Variants in ADAMTS9 observed in about 807,000 individuals in gnomAD.
ADAMTS9 encodes ADAM metallopeptidase with thrombospondin type 1 motif 9.
ADAMTS9 carries 107 observed loss-of-function variants against 257.1 expected under a neutral mutation model. The observed-to-expected ratio is 0.42, with a 90% confidence interval of 0.36 to 0.49. The LOEUF is 0.49. ADAMTS9 is among the 20% of genes least tolerant of loss of function. The pLI, the probability that ADAMTS9 is intolerant of heterozygous loss-of-function variation, is 0.03. For synonymous variants in ADAMTS9, 982 were observed against 880.9 expected (o/e 1.11, Z -2.03); for missense variants, 2,353 against 2,469.1 (o/e 0.95, Z 1.00).
intron 12 of ADAMTS9, among the ~76,000 whole-genome samples, chr3:64,634,883 A>C (rs1700455058): frequency 6.6e-6 from 1 of 152,182 alleles, no homozygotes; most frequent in African/African-American, 2.4e-5. Flanking sequence ...GGGAATGAGA[A>C]ATATATCCCT....
rs561273381 is a variant in ADAMTS9, at chr3:64,621,391, T to C, written c.2687-151A>G. On this transcript the variant is annotated intron_variant, in intron 18 of 39. Coordinates refer to ENST00000498707, the MANE Select transcript of ADAMTS9 (RefSeq NM_182920.2). Reference sequence around the variant, plus strand: ...CTGTTGCACTATTCAACCCTGACATTACAGGGCAAAAGCAGCCACTCACAG... The same window carrying C: ...CTGTTGCACTATTCAACCCTGACATCACAGGGCAAAAGCAGCCACTCACAG... 83 of 919,600 alleles carry C rather than the reference T, an allele frequency of 9.0e-5. 2 individuals are homozygous for C. In the South Asian group the frequency reaches 1.4e-3, roughly 16 times the overall value. The allele number at this position is 919,600 out of a possible 1,614,324, so 57.0% of individuals were successfully genotyped here.
At chr3:64,545,094 A>G (rs981223874) in intron 32 of ADAMTS9, among the ~76,000 whole-genome samples, 2 of 152,234 alleles carry the variant, frequency 1.3e-5, no homozygotes, top group African/African-American at 4.8e-5. Flanking sequence ...CGATTATTAA[A>G]AAGTCAGGGA....
intron 19 of ADAMTS9, among the ~76,000 whole-genome samples, chr3:64,617,137 T>C (rs1049926786): frequency 1.3e-5 from 2 of 152,194 alleles, no homozygotes; most frequent in African/African-American, 2.4e-5. Flanking sequence ...CAATGCTTTA[T>C]CTCATCCTGT....
At position 64,516,118 on chromosome 3, in the gene ADAMTS9, A is replaced by C. The variant is rs1208331344; in HGVS notation, c.*1009T>G. 2 of 152,168 alleles carry C rather than the reference A, an allele frequency of 1.3e-5. No individual in the cohort carries two copies. Among genetic ancestry groups the C allele is most frequent in the Non-Finnish European group, 1.5e-5 (1 of 68,018 alleles). 9.4% of individuals were successfully genotyped at this position (152,168 alleles called of 1,614,324 possible). A position where few individuals can be genotyped will look rare whatever the true frequency, so the allele number is the denominator to read the frequency against. ...TTTCATGCAAAAGGCAATCGTGATG[A>C]TTCAGAACCTGGTTCTGAATTTCTC... On this transcript the variant is annotated 3_prime_UTR_variant, in exon 40 of 40. Coordinates refer to ENST00000498707, the MANE Select transcript of ADAMTS9 (RefSeq NM_182920.2).
At chr3:64,548,190 C>T (rs2083226853) in intron 31 of ADAMTS9, among the ~76,000 whole-genome samples, 1 of 152,158 alleles carries the variant, frequency 6.6e-6, no homozygotes, top group African/African-American at 2.4e-5. Context: ...TTTTCTTCTC[C>T]TGCAACTTTT....
At chr3:64,569,975 G>C (rs1190886094) in intron 28 of ADAMTS9, among the ~76,000 whole-genome samples, 2 of 152,140 alleles carry the variant, frequency 1.3e-5, no homozygotes, top group African/African-American at 2.4e-5. Flanking sequence ...ATTCTAGAAG[G>C]CTTTTAGAAT....
intron 26 of ADAMTS9, among the ~76,000 whole-genome samples, chr3:64,601,116 A>C (rs2084452046): frequency 6.6e-6 from 1 of 152,064 alleles, no homozygotes; most frequent in African/African-American, 2.4e-5. Context: ...TTTTCCTTTG[A>C]TATCAGATAT....
rs183219915 is a variant in ADAMTS9 at position 64,687,771 on chromosome 3, C to T, written c.-114G>A. The T allele has an allele frequency of 7.7e-3, 6,249 of 810,298 alleles. 62 individuals carry two copies. The highest frequency in any genetic ancestry group is 0.03 in the African/African-American group (1,621 of 54,468). 50.2% of individuals were successfully genotyped at this position (810,298 alleles called of 1,614,324 possible). On this transcript the variant is annotated 5_prime_UTR_variant, in exon 1 of 40. Coordinates refer to ENST00000498707, the MANE Select transcript of ADAMTS9 (RefSeq NM_182920.2). The surrounding 1 kb of genome is among the most constrained non-coding windows in gnomAD (Gnocchi z 4.4). ...AGAGCGCGCGGAGCCCGGCGCCCGC[C>T]GCCAACTTTTGACTTTAGGAGTCGC... is the stretch of plus-strand genomic sequence containing the variant.
At chr3:64,657,627 T>C (rs1345185073) in intron 4 of ADAMTS9, among the ~76,000 whole-genome samples, 1 of 152,180 alleles carries the variant, frequency 6.6e-6, no homozygotes, top group Non-Finnish European at 1.5e-5. Context: ...CATGAGTGAC[T>C]GCACTTGGCC....
At chr3:64,552,783 C>A (rs140277945) in intron 30 of ADAMTS9, among the ~76,000 whole-genome samples, 28 of 152,202 alleles carry the variant, frequency 1.8e-4, no homozygotes, top group African/African-American at 6.5e-4. Flanking sequence ...TCTTGAACTC[C>A]TGGGTTTAAG....
chr3:64,619,582 A>T (rs1344004634), intron 19 of ADAMTS9, among the ~76,000 whole-genome samples: 1 of 152,148 alleles, frequency 6.6e-6, no homozygotes, highest in Non-Finnish European at 1.5e-5. Flanking sequence ...TTGAAGAATT[A>T]GTAGGGTATT....
At position 64,546,681 on chromosome 3, in the gene ADAMTS9, C is replaced by T. The variant is rs1010921551; in HGVS notation, c.5064+77G>A. 29 of 1,419,622 alleles carry T rather than the reference C, an allele frequency of 2.0e-5. No individual in the cohort carries two copies. The Middle Eastern group carries it at 7.9e-4, about 39-fold the overall frequency. 87.9% of individuals were successfully genotyped at this position (1,419,622 alleles called of 1,614,324 possible). ...CTGGAAGTAGAGTTACTAAGGAGAG[C>T]GGGTTAGGCAGGACATGTTTAAGAC... On this transcript the variant is annotated intron_variant, in intron 32 of 39. Coordinates refer to ENST00000498707, the MANE Select transcript of ADAMTS9 (RefSeq NM_182920.2).
intron 26 of ADAMTS9, among the ~76,000 whole-genome samples, chr3:64,599,999 G>A (rs1190294034): frequency 2.0e-5 from 3 of 151,382 alleles, no homozygotes; most frequent in Non-Finnish European, 2.9e-5. Flanking sequence ...TCCCTACTGC[G>A]GCTAAATGAA....
intron 3 of ADAMTS9, among the ~76,000 whole-genome samples, chr3:64,674,466 A>T (rs1263762309): frequency 1.3e-5 from 2 of 152,144 alleles, no homozygotes; most frequent in Non-Finnish European, 2.9e-5. Flanking sequence ...CAGCTTTCTC[A>T]TTTGTAGGAT....
chr3:64,599,842 A>G (rs375039653), intron 26 of ADAMTS9, among the ~76,000 whole-genome samples: 131 of 152,316 alleles, frequency 8.6e-4, no homozygotes, highest in African/African-American at 3.1e-3. Context: ...CATATTGTCT[A>G]TGCCTGCTTT....
At position 64,568,644 on chromosome 3, in the gene ADAMTS9, T is replaced by C. The variant is rs2083601099; in HGVS notation, c.4357-109A>G. On this transcript the variant is annotated intron_variant, in intron 28 of 39. Transcript: ENST00000498707. ...GACAATGCCTAACAAGAGTTACCAT[T>C]CCCCTCTTTTACAGCGCCAGTTTGG... 25 of 1,309,170 alleles carry C rather than the reference T, an allele frequency of 1.9e-5. No individual in the cohort carries two copies. The Middle Eastern group carries it at 2.0e-3, about 107-fold the overall frequency. The allele number at this position is 1,309,170 out of a possible 1,614,324, so 81.1% of individuals were successfully genotyped here. A position where few individuals can be genotyped will look rare whatever the true frequency, so the allele number is the denominator to read the frequency against.
rs1033925739 is a variant in ADAMTS9 at position 64,516,745 on chromosome 3, G to A, written c.*382C>T. On this transcript the variant is annotated 3_prime_UTR_variant, in exon 40 of 40. Coordinates refer to ENST00000498707, the MANE Select transcript of ADAMTS9 (RefSeq NM_182920.2). Reference sequence around the variant, plus strand: ...TTTTAAAAAAATTCATTTTAAAAAAGTAACAATAAAACATTTACAGATGAA... The same window carrying A: ...TTTTAAAAAAATTCATTTTAAAAAAATAACAATAAAACATTTACAGATGAA... 2 of 152,486 alleles carry A rather than the reference G, an allele frequency of 1.3e-5. No homozygotes were observed. Among genetic ancestry groups the A allele is most frequent in the African/African-American group, 2.4e-5 (1 of 41,420 alleles). 9.4% of individuals were successfully genotyped at this position (152,486 alleles called of 1,614,324 possible).
In ADAMTS9 at chr3:64,631,441, G is replaced by A. The variant is rs1405581505; in HGVS notation, c.2389+14C>T. ...AGAACCAGAACTCGCAAGTAGTGAG[G>A]CATCCCATCTCACCTAAGTAGTTGT... On this transcript the variant is annotated intron_variant, in intron 16 of 39. Transcript: ENST00000498707. The A allele has an allele frequency of 1.2e-6, 2 of 1,604,786 alleles. No homozygotes were observed. The highest frequency in any genetic ancestry group is 1.7e-6 in the Non-Finnish European group (2 of 1,171,526).
Position 64,655,601 on chromosome 3 carries a change from G to A in ADAMTS9, c.1144C>T (p.His382Tyr). ...CTTGTTAAGAGAACAGCAGTATCAT[G>A]ATGGATTCCACCTGGACTGTTCTTC... ...HSKNSPGGIH[H>Y]DTAVLLTRQD... The change falls in exon 6 of 40, where the codon CAT (histidine) becomes TAT (tyrosine). Residue 382 changes from histidine to tyrosine, a missense_variant. Physicochemically the swap from His to Tyr is moderately conservative, Grantham distance 83. Transcript: ENST00000498707. The A allele has an allele frequency of 6.2e-7, 1 of 1,613,852 alleles. No homozygotes were observed. The highest frequency in any genetic ancestry group is 1.1e-5 in the South Asian group (1 of 91,066).
Sources: gnomAD v4.1 joint callset for allele counts (sites outside exome capture counted in the v4.1 genomes callset) on GRCh38, gnomAD v4.1.1 for gene constraint, Gnocchi (gnomAD v3.1) non-coding constraint, MANE v1.5 for transcripts, NCBI Gene and HGNC (gene_info 2026-07-23, HGNC 2026-07-21) for gene names.